Variants in NEDD4 observed in about 807,000 individuals in gnomAD.
NEDD4 encodes NEDD4 E3 ubiquitin protein ligase, also known as E3 ubiquitin-protein ligase NEDD4.
Under a neutral mutation model 144.9 loss-of-function variants are expected in NEDD4, and 99 were observed. The ratio of observed to expected loss-of-function variants is 0.68; its 90% CI spans 0.58 to 0.81. The LOEUF is 0.81. NEDD4 is among the 30% of genes least tolerant of loss of function. The pLI is 0.00. For synonymous variants in NEDD4, 318 were observed against 350.6 expected (o/e 0.91, Z 1.04); for missense variants, 985 against 1,065.9 (o/e 0.92, Z 1.06).
intron 4 of NEDD4, among the ~76,000 whole-genome samples, chr15:55,942,822 G>T (rs1269916998): frequency 6.6e-6 from 1 of 152,216 alleles, no homozygotes; most frequent in Non-Finnish European, 1.5e-5. Context: ...AGTTTGGAGA[G>T]ATCAGAAGAA....
chr15:55,872,571 T>G (rs2034841083), intron 6 of NEDD4, 95 bp from the exon 7 acceptor site: 1 of 448,406 alleles, frequency 2.2e-6, no homozygotes. Context: ...AGGCATAATT[T>G]AAGTTGGAAG....
Position 55,842,018 on chromosome 15 carries a change from T to C in NEDD4, c.1754A>G (p.Tyr585Cys), listed in dbSNP as rs776986816. The change falls in exon 19 of 29, where the codon TAT (tyrosine) becomes TGT (cysteine). Residue 585 changes from tyrosine to cysteine, a missense_variant. Coordinates refer to ENST00000435532, the MANE Select transcript of NEDD4 (RefSeq NM_006154.4). ...GAACCATTCTCTGGCAACTCCTCCA[T>C]AATCCAATCCCTTTTCACCATCAAA... ...IEFDGEKGLDYGGVAREWFFL... is the reference protein window; with the variant it reads ...IEFDGEKGLDCGGVAREWFFL... 9.3e-6 allele frequency: 15 copies of C among 1,614,232 alleles called. No individual in the cohort carries two copies. The Admixed American group carries it at 1.7e-4, about 18-fold the overall frequency.
chr15:55,986,825 G>A (rs12439899), intron 1 of NEDD4, among the ~76,000 whole-genome samples: 11,601 of 151,232 alleles, frequency 0.077, 554 homozygotes, highest in Non-Finnish European at 0.11. Context: ...TCAATCTCCC[G>A]ACCTCGTGAT....
At chr15:55,871,927 T>C (rs2034813209) in intron 7 of NEDD4, among the ~76,000 whole-genome samples, 1 of 152,114 alleles carries the variant, frequency 6.6e-6, no homozygotes, top group African/African-American at 2.4e-5. Context: ...ATCAAGTAAC[T>C]TTGTTTGGGA....
intron 4 of NEDD4, among the ~76,000 whole-genome samples, chr15:55,938,254 GA>G (rs1334272390): frequency 6.6e-6 from 1 of 152,134 alleles, no homozygotes; most frequent in Admixed American, 6.5e-5. Flanking sequence ...AGCTACTCAG[GA>G]AGCTGAGGCA....
At chr15:55,872,167 TAGG>T (rs1368169519) in intron 7 of NEDD4, among the ~76,000 whole-genome samples, 1 of 152,104 alleles carries the variant, frequency 6.6e-6, no homozygotes, top group Non-Finnish European at 1.5e-5. Context: ...TGATAAGTAT[TAGG>T]AGAACGAATC....
At chr15:55,925,044 G>A (rs1403335182) in intron 4 of NEDD4, among the ~76,000 whole-genome samples, 1 of 152,116 alleles carries the variant, frequency 6.6e-6, no homozygotes, top group Non-Finnish European at 1.5e-5. Flanking sequence ...CTCCAGCCTG[G>A]GCGACATAGA....
intron 4 of NEDD4, among the ~76,000 whole-genome samples, chr15:55,929,256 T>A (rs2036735172): frequency 6.6e-6 from 1 of 152,176 alleles, no homozygotes; most frequent in African/African-American, 2.4e-5. Context: ...ACACACACCC[T>A]CTTATTAGAG....
At chr15:55,967,557 T>G (rs1312585757) in intron 1 of NEDD4, among the ~76,000 whole-genome samples, 1 of 151,944 alleles carries the variant, frequency 6.6e-6, no homozygotes, top group Admixed American at 6.6e-5. Context: ...AGGTGTACAC[T>G]GTACTACTTA....
intron 5 of NEDD4, among the ~76,000 whole-genome samples, chr15:55,901,214 A>T (rs888974532): frequency 6.6e-6 from 1 of 152,098 alleles, no homozygotes; most frequent in Non-Finnish European, 1.5e-5. Context: ...AACTATTGAG[A>T]GCTCTGTGAA....
chr15:55,886,479 G>A (rs1419957940), intron 5 of NEDD4, among the ~76,000 whole-genome samples: 1 of 152,136 alleles, frequency 6.6e-6, no homozygotes, highest in East Asian at 1.9e-4. Flanking sequence ...TTAAAAAATT[G>A]AAATGGGCCA....
chr15:55,935,989 G>C (rs1258506333), intron 4 of NEDD4, among the ~76,000 whole-genome samples: 1 of 151,764 alleles, frequency 6.6e-6, no homozygotes, highest in Admixed American at 6.6e-5. Flanking sequence ...GGTCAAGCAT[G>C]ACTTCTTTCA....
chr15:55,941,567 C>CTT (rs774423759), intron 4 of NEDD4, among the ~76,000 whole-genome samples: 11 of 140,114 alleles, frequency 7.9e-5, no homozygotes, highest in African/African-American at 1.6e-4. Context: ...TGTTAAATTT[C>CTT]TTTTTTTTTT....
Position 55,837,168 on chromosome 15 carries a change from A to G in NEDD4, c.2262+621T>C, listed in dbSNP as rs191148451. Among the ~76,000 whole-genome samples the G allele has an allele frequency of 1.6e-3, 243 of 152,270 alleles. 1 individual carries two copies. Among genetic ancestry groups the G allele is most frequent in the African/African-American group, 5.5e-3 (230 of 41,560 alleles). On this transcript the variant is annotated intron_variant, in intron 24 of 28. Transcript: ENST00000435532. ...AAGTAGGCCGAGCACGGTGGCTCAC[A>G]CTGGTAACCCCAGCACTTTGGGAGG...
At position 55,978,346 on chromosome 15, in the gene NEDD4, A is replaced by G. The variant is rs146296128; in HGVS notation, c.46-11800T>C. Among the ~76,000 whole-genome samples the G allele has an allele frequency of 3.6e-4, 55 of 152,340 alleles. 1 individual carries two copies. In the East Asian group the frequency reaches 0.01, roughly 29 times the overall value. On this transcript the variant is annotated intron_variant, in intron 1 of 28. Coordinates refer to ENST00000435532, the MANE Select transcript of NEDD4 (RefSeq NM_006154.4). ...CTATACTGATTAAAAACTTCTTTCA[A>G]AATTAAGTGCCATTTATTTTAATAT... is the stretch of plus-strand genomic sequence containing the variant.
chr15:55,922,858 A>G (rs1262334150), intron 5 of NEDD4, among the ~76,000 whole-genome samples: 1 of 152,130 alleles, frequency 6.6e-6, no homozygotes, highest in Admixed American at 6.5e-5. Flanking sequence ...GTGTATACAT[A>G]TTTGTCTTAT....
intron 2 of NEDD4, among the ~76,000 whole-genome samples, chr15:55,960,583 C>A (rs1243234535): frequency 1.3e-5 from 2 of 152,080 alleles, no homozygotes; most frequent in African/African-American, 4.8e-5. Context: ...GGCTTCCTTG[C>A]TCCGCAGCTT....
chr15:55,942,063 A>T (rs1415607056), intron 4 of NEDD4, among the ~76,000 whole-genome samples: 2 of 150,136 alleles, frequency 1.3e-5, no homozygotes, highest in Non-Finnish European at 3.0e-5. Context: ...TATATTTACT[A>T]TTTTTTTTTT....
At chr15:55,856,009 G>C in intron 12 of NEDD4, 122 bp downstream of exon 12, 3 of 751,402 alleles carry the variant, frequency 4.0e-6, no homozygotes, top group South Asian at 3.1e-5. Flanking sequence ...ACCACCTGGA[G>C]CCTACATTCT....
Sources: gnomAD v4.1 joint callset for allele counts (sites outside exome capture counted in the v4.1 genomes callset) on GRCh38, gnomAD v4.1.1 for gene constraint, MANE v1.5 for transcripts, NCBI Gene and HGNC (gene_info 2026-07-23, HGNC 2026-07-21) for gene names.